The following ACAP2 variants were observed in gnomAD, a reference collection of about 807,000 sequenced individuals.
ACAP2 encodes arf-GAP with coiled-coil, ANK repeat and PH domain-containing protein 2.
Under a neutral mutation model 115.8 loss-of-function variants are expected in ACAP2, and 39 were observed. That is an observed-to-expected ratio of 0.34 (90% confidence interval 0.26 to 0.44). ACAP2 has a LOEUF of 0.44. Ranked by LOEUF, ACAP2 falls within the 20% of genes least tolerant of loss-of-function variation. The probability of loss-of-function intolerance (pLI) is 1.00; values close to 1 mark genes in which losing one functional copy is unlikely to be tolerated. For synonymous variants in ACAP2, 289 were observed against 315.8 expected (o/e 0.92, Z 0.90); for missense variants, 662 against 927.6 (o/e 0.71, Z 3.72).
Position 195,320,819 on chromosome 3 carries a change from C to G in ACAP2, c.745-6G>C, listed in dbSNP as rs775997885. On this transcript the variant is annotated splice_region_variant and splice_polypyrimidine_tract_variant and intron_variant, in intron 9 of 22. Transcript: ENST00000326793. ...GAATCATCACTGGAGAAATCCTACA[C>G]AAAATAACACATAAAGAAGTTCATA... 8.2e-5 allele frequency: 130 copies of G among 1,587,146 alleles called. No individual in the cohort carries two copies. The highest frequency in any genetic ancestry group is 1.1e-4 in the Non-Finnish European group (126 of 1,156,996).
chr3:195,312,469 T>C (rs1728833064), intron 10 of ACAP2, among the ~76,000 whole-genome samples: 1 of 152,142 alleles, frequency 6.6e-6, no homozygotes, highest in Non-Finnish European at 1.5e-5. Flanking sequence ...TTTAGACATA[T>C]ATGTAATTTT....
chr3:195,295,260 C>A, intron 17 of ACAP2: 1 of 1,291,518 alleles, frequency 7.7e-7, no homozygotes, highest in African/African-American at 1.5e-5. Context: ...CAGGACAAAA[C>A]AGAGACTCCC....
chr3:195,361,931 A>C (rs1389898920), intron 4 of ACAP2, among the ~76,000 whole-genome samples: 2 of 152,198 alleles, frequency 1.3e-5, no homozygotes, highest in Non-Finnish European at 2.9e-5. Context: ...TAAATGGATA[A>C]ATTCCTAGAC....
At chr3:195,373,246 T>A (rs1326914185) in intron 4 of ACAP2, among the ~76,000 whole-genome samples, 1 of 151,846 alleles carries the variant, frequency 6.6e-6, no homozygotes, top group Non-Finnish European at 1.5e-5. Context: ...AAATAAAAAA[T>A]TTATTTGGAA....
intron 4 of ACAP2, among the ~76,000 whole-genome samples, chr3:195,368,770 T>C (rs950461475): frequency 4.6e-5 from 7 of 152,190 alleles, no homozygotes; most frequent in Non-Finnish European, 1.0e-4. Context: ...TAGTAACTCC[T>C]AACCATAAAA....
chr3:195,289,282 T>C (rs776647872), intron 20 of ACAP2, 51 bp from the exon 21 acceptor site: 5 of 1,325,952 alleles, frequency 3.8e-6, no homozygotes, highest in Non-Finnish European at 4.3e-6. Flanking sequence ...AAAAAAAAAT[T>C]AGTATTCACC....
chr3:195,420,703 C>T (rs1010254215), intron 1 of ACAP2, among the ~76,000 whole-genome samples: 2 of 151,722 alleles, frequency 1.3e-5, no homozygotes, highest in African/African-American at 2.4e-5. Context: ...AGTGCAGTGG[C>T]GCCATCTCAG....
intron 10 of ACAP2, among the ~76,000 whole-genome samples, chr3:195,313,866 T>C (rs1728915882): frequency 6.6e-6 from 1 of 152,178 alleles, no homozygotes; most frequent in South Asian, 2.1e-4. Flanking sequence ...AATCCACTAA[T>C]TTGAGCCTGA....
At position 195,442,806 on chromosome 3, in the gene ACAP2, C is replaced by T; in HGVS notation, c.42G>A (p.Ser14=). Residue 14 remains serine (S), a synonymous_variant, in exon 1 of 23, where the codon TCG becomes TCA. Coordinates refer to ENST00000326793, the MANE Select transcript of ACAP2 (RefSeq NM_012287.6). ...TVDFEECLKD[S]PRFRAALEEV... ...GCCGTGCCGGTTACCTGAAGCGGGGCGAGTCCTTCAGACACTCCTCGAAAT... is the reference window on the plus strand; with the variant it reads ...GCCGTGCCGGTTACCTGAAGCGGGGTGAGTCCTTCAGACACTCCTCGAAAT... The T allele has an allele frequency of 1.3e-6, 2 of 1,530,510 alleles. No individual in the cohort carries two copies. Among genetic ancestry groups the T allele is most frequent in the Non-Finnish European group, 1.8e-6 (2 of 1,138,850 alleles). 94.8% of individuals were successfully genotyped at this position (1,530,510 alleles called of 1,614,324 possible). A position where few individuals can be genotyped will look rare whatever the true frequency, so the allele number is the denominator to read the frequency against.
chr3:195,364,741 G>A (rs553682150), intron 4 of ACAP2, among the ~76,000 whole-genome samples: 1 of 152,220 alleles, frequency 6.6e-6, no homozygotes, highest in East Asian at 1.9e-4. Context: ...AACTAAAAAT[G>A]GAGCTACCAT....
chr3:195,382,080 G>C, intron 2 of ACAP2, 58 bp from the exon 3 acceptor site: 5 of 1,539,122 alleles, frequency 3.2e-6, no homozygotes, highest in Non-Finnish European at 4.4e-6. Context: ...TTACTTAGTT[G>C]AACAAGTGTT....
At position 195,300,165 on chromosome 3, in the gene ACAP2, G is replaced by C. The variant is rs528586549; in HGVS notation, c.1395+1410C>G. Among the ~76,000 whole-genome samples the C allele has an allele frequency of 3.3e-5, 5 of 150,674 alleles. No homozygotes were observed. The East Asian group carries it at 8.0e-4, about 24-fold the overall frequency. ...GGATTCAAGCAATTCTCCTGCCTCA[G>C]CCTCTCGAGTAGCTGGGACTACAGG... is the stretch of plus-strand genomic sequence containing the variant. On this transcript the variant is annotated intron_variant, in intron 15 of 22. Transcript: ENST00000326793.
chr3:195,311,982 TA>T (rs1728804834), intron 10 of ACAP2, among the ~76,000 whole-genome samples: 1 of 150,404 alleles, frequency 6.6e-6, no homozygotes, highest in Non-Finnish European at 1.5e-5. Context: ...TTGTAAATAT[TA>T]AATTTATAAA....
intron 1 of ACAP2, among the ~76,000 whole-genome samples, chr3:195,399,270 A>T (rs1438731405): frequency 6.6e-6 from 1 of 152,230 alleles, no homozygotes; most frequent in Non-Finnish European, 1.5e-5. Flanking sequence ...AAGGAGTATG[A>T]ATATAGATGA....
At chr3:195,398,161 T>TA (rs1438442494) in intron 1 of ACAP2, among the ~76,000 whole-genome samples, 8 of 152,138 alleles carry the variant, frequency 5.3e-5, no homozygotes, top group African/African-American at 1.9e-4. Flanking sequence ...ATGAAATATT[T>TA]AAAAATCCAC....
At chr3:195,306,240 T>TG (rs1728412324) in intron 13 of ACAP2, among the ~76,000 whole-genome samples, 1 of 152,146 alleles carries the variant, frequency 6.6e-6, no homozygotes, top group Non-Finnish European at 1.5e-5. Flanking sequence ...ACAATACTTT[T>TG]GGGGAAAAAC....
Position 195,351,347 on chromosome 3 carries a change from C to T in ACAP2, c.286-6030G>A, listed in dbSNP as rs548532151. 5.1e-3 allele frequency among the ~76,000 whole-genome samples: 777 copies of T among 152,100 alleles called. 5 individuals carry two copies. The highest frequency in any genetic ancestry group is 0.018 in the African/African-American group (740 of 41,490). The stretch of plus-strand genomic sequence containing the variant: ...GCCCAGGATGGTCATGAACTCCTGA[C>T]CTCAAGTGATCCGCCCGCCTCAGCC... On this transcript the variant is annotated intron_variant, in intron 4 of 22. Coordinates refer to ENST00000326793, the MANE Select transcript of ACAP2 (RefSeq NM_012287.6).
intron 18 of ACAP2, 125 bp downstream of exon 18, chr3:195,294,592 GAA>G (rs200209680): frequency 0.061 from 3,050 of 49,776 alleles, 128 homozygotes; most frequent in African/African-American, 0.2. Flanking sequence ...AAAAAAAGAA[GAA>G]AAAAAAAAAA....
intron 1 of ACAP2, among the ~76,000 whole-genome samples, chr3:195,436,047 A>T (rs1715512875): frequency 6.6e-6 from 1 of 151,792 alleles, no homozygotes; most frequent in African/African-American, 2.4e-5. Flanking sequence ...ATTTATAGTC[A>T]TTATGTCTTT....
Sources: gnomAD v4.1 joint callset for allele counts (sites outside exome capture counted in the v4.1 genomes callset) on GRCh38, gnomAD v4.1.1 for gene constraint, MANE v1.5 for transcripts, NCBI Gene and HGNC (gene_info 2026-07-23, HGNC 2026-07-21) for gene names.